RIMS2: variants seen among roughly 807,000 people sequenced by gnomAD.
RIMS2 encodes the protein regulating synaptic membrane exocytosis protein 2.
RIMS2 carries 59 observed loss-of-function variants against 174.4 expected under a neutral mutation model. The ratio of observed to expected loss-of-function variants is 0.34; its 90% CI spans 0.27 to 0.42. The LOEUF (loss-of-function observed/expected upper bound fraction) is 0.42, where lower values mean the gene tolerates loss of function less well. RIMS2 is among the 10% of genes least tolerant of loss of function. The pLI is 1.00. For synonymous variants in RIMS2, 606 were observed against 572.5 expected, an observed-to-expected ratio of 1.06 and a Z score of -0.84; for missense variants, 1,620 against 1,666.3, an observed-to-expected ratio of 0.97 and a Z score of 0.48.
rs1194561485 is a variant in RIMS2 at position 103,605,916 on chromosome 8, A to G, written c.177-91170A>G. 7.0e-5 allele frequency among the ~76,000 whole-genome samples: 10 copies of G among 142,182 alleles called. No individual in the cohort carries two copies. In the South Asian group the frequency reaches 8.7e-4, roughly 12 times the overall value. 93.3% of individuals were successfully genotyped at this position (142,182 alleles called of 152,430 possible). A position where few individuals can be genotyped will look rare whatever the true frequency, so the allele number is the denominator to read the frequency against. ...TTTTTTCTTTATTAGTCTTGCTAGC[A>G]GTCTATCAATTTTGTTGATCCTTTC... On this transcript the variant is annotated intron_variant, in intron 1 of 23. Transcript: ENST00000504942.
chr8:104,228,185 T>C (rs2099201184), intron 19 of RIMS2, among the ~76,000 whole-genome samples: 1 of 152,006 alleles, frequency 6.6e-6, no homozygotes, highest in Non-Finnish European at 1.5e-5. Flanking sequence ...TGTGCCACCA[T>C]GCCTGGCTAA....
chr8:103,610,546 G>A (rs1177723136), intron 1 of RIMS2, among the ~76,000 whole-genome samples: 1 of 152,164 alleles, frequency 6.6e-6, no homozygotes, highest in Non-Finnish European at 1.5e-5. Context: ...ATGAAGGGAT[G>A]TTGAATTTTA....
intron 17 of RIMS2, among the ~76,000 whole-genome samples, chr8:103,994,279 G>A (rs1044030455): frequency 6.6e-6 from 1 of 152,070 alleles, no homozygotes; most frequent in Non-Finnish European, 1.5e-5. Flanking sequence ...TATTGCTTAA[G>A]AATCAAAGTG....
intron 19 of RIMS2, among the ~76,000 whole-genome samples, chr8:104,053,686 A>C (rs1300852933): frequency 1.3e-5 from 2 of 152,170 alleles, no homozygotes; most frequent in Non-Finnish European, 2.9e-5. Flanking sequence ...ATTTCTAGTT[A>C]CAGATTGAAA....
intron 1 of RIMS2, among the ~76,000 whole-genome samples, chr8:103,591,164 T>A (rs1373218620): frequency 6.6e-6 from 1 of 151,126 alleles, no homozygotes; most frequent in Non-Finnish European, 1.5e-5. Flanking sequence ...TGACTAAAGA[T>A]GTTAAGCTTT....
chr8:103,937,105 A>AT (rs1177350353), intron 13 of RIMS2, among the ~76,000 whole-genome samples: 2 of 149,454 alleles, frequency 1.3e-5, no homozygotes, highest in Non-Finnish European at 3.0e-5. Context: ...CTCAAAAAAA[A>AT]AATAATTAAA....
At chr8:103,947,191 A>G (rs780745437) in intron 14 of RIMS2, among the ~76,000 whole-genome samples, 16 of 152,242 alleles carry the variant, frequency 1.1e-4, no homozygotes, top group Non-Finnish European at 1.8e-4. Context: ...CCTTTGGGTT[A>G]GGCAGAGTTT....
intron 1 of RIMS2, among the ~76,000 whole-genome samples, chr8:103,586,003 G>T (rs887742808): frequency 2.0e-5 from 3 of 150,662 alleles, no homozygotes; most frequent in East Asian, 3.9e-4. Flanking sequence ...GACAAAGAAG[G>T]TTGCTATAAA....
intron 3 of RIMS2, among the ~76,000 whole-genome samples, chr8:103,854,426 G>C (rs1455044096): frequency 6.6e-6 from 1 of 151,966 alleles, no homozygotes; most frequent in Non-Finnish European, 1.5e-5. Flanking sequence ...GGACATCCTT[G>C]TCTTGTTCCA....
chr8:103,767,588 A>G (rs1028315948), intron 3 of RIMS2, among the ~76,000 whole-genome samples: 2 of 152,238 alleles, frequency 1.3e-5, no homozygotes, highest in Non-Finnish European at 2.9e-5. Flanking sequence ...TGTGTTGAAT[A>G]AGTACAAAGT....
Position 103,718,207 on chromosome 8 carries a change from A to G in RIMS2, c.387+20911A>G, listed in dbSNP as rs2097398253. Among the ~76,000 whole-genome samples the G allele has an allele frequency of 2.6e-5, 4 of 152,138 alleles. 1 individual carries two copies. The South Asian group carries it at 8.3e-4, about 32-fold the overall frequency. ...AAGGTAGAATCAAGGGACATGAAAGACAGTCATCAAGGGAAAATATCTAGA... is the reference window on the plus strand; with the variant it reads ...AAGGTAGAATCAAGGGACATGAAAGGCAGTCATCAAGGGAAAATATCTAGA... On this transcript the variant is annotated intron_variant, in intron 2 of 23. Coordinates refer to ENST00000504942, the Ensembl canonical transcript of RIMS2.
At chr8:103,929,245 C>A (rs1456480683) in intron 11 of RIMS2, among the ~76,000 whole-genome samples, 3 of 151,584 alleles carry the variant, frequency 2.0e-5, no homozygotes, top group Non-Finnish European at 4.4e-5. Context: ...ATATTAGTAA[C>A]TGATAATATT....
chr8:104,172,711 G>C (rs953975094), intron 19 of RIMS2, among the ~76,000 whole-genome samples: 2 of 152,186 alleles, frequency 1.3e-5, no homozygotes, highest in African/African-American at 2.4e-5. Context: ...ACCTCAAAAT[G>C]AGAGAAATCA....
rs1165628460 is a variant in RIMS2 at position 104,231,584 on chromosome 8, G to A, written c.3335-13332G>A. On this transcript the variant is annotated intron_variant, in intron 19 of 23. Transcript: ENST00000504942. Reference sequence around the variant, plus strand: ...CTTCTGTAGACAGAGGAAAAACTGTGTGGCTGAATTGGAAATACTGGCTCC... The same window carrying A: ...CTTCTGTAGACAGAGGAAAAACTGTATGGCTGAATTGGAAATACTGGCTCC... 2.0e-5 allele frequency among the ~76,000 whole-genome samples: 3 copies of A among 152,184 alleles called. No individual in the cohort carries two copies. In the South Asian group the frequency reaches 6.2e-4, roughly 31 times the overall value.
intron 19 of RIMS2, among the ~76,000 whole-genome samples, chr8:104,113,781 C>T (rs778474903): frequency 1.3e-5 from 2 of 151,758 alleles, no homozygotes; most frequent in Non-Finnish European, 2.9e-5. Flanking sequence ...CAGCCCTAGA[C>T]TGCTGATCCC....
chr8:103,529,718 T>C (rs1166350748), intron 1 of RIMS2, among the ~76,000 whole-genome samples: 1 of 152,252 alleles, frequency 6.6e-6, no homozygotes, highest in Non-Finnish European at 1.5e-5. Flanking sequence ...TCCGTGTCGC[T>C]CACGCTGGGA....
intron 2 of RIMS2, among the ~76,000 whole-genome samples, chr8:103,746,732 G>A (rs2097821980): frequency 6.6e-6 from 1 of 151,840 alleles, no homozygotes; most frequent in Admixed American, 6.6e-5. Context: ...CCAGGCTGGA[G>A]TGCAGTGGTG....
chr8:103,677,807 C>G (rs548062846), intron 1 of RIMS2, among the ~76,000 whole-genome samples: 1 of 151,740 alleles, frequency 6.6e-6, no homozygotes, highest in East Asian at 1.9e-4. Context: ...GGAAAAGATT[C>G]GTGGACAAAA....
rs531848657 is a variant in RIMS2, at chr8:104,248,818, G to C, written c.3589+5G>C. 7 of 1,406,864 alleles carry C rather than the reference G, an allele frequency of 5.0e-6. No homozygotes were observed. The Admixed American group carries it at 1.0e-4, about 20-fold the overall frequency. The allele number at this position is 1,406,864 out of a possible 1,614,324, so 87.1% of individuals were successfully genotyped here. A position where few individuals can be genotyped will look rare whatever the true frequency, so the allele number is the denominator to read the frequency against. The stretch of plus-strand genomic sequence containing the variant: ...CTCTGGCAACACCTGCAATGGGTAA[G>C]AATTTCTGCCACATGATTTCACTAT... On this transcript the variant is annotated splice_donor_5th_base_variant and intron_variant, in intron 21 of 23. Coordinates refer to ENST00000504942, the Ensembl canonical transcript of RIMS2.
Sources: gnomAD v4.1 joint callset for allele counts (sites outside exome capture counted in the v4.1 genomes callset) on GRCh38, gnomAD v4.1.1 for gene constraint, MANE v1.5 for transcripts, NCBI Gene and HGNC (gene_info 2026-07-23, HGNC 2026-07-21) for gene names.